The following CELA3B variants were observed in gnomAD, a reference collection of about 807,000 sequenced individuals.
CELA3B encodes the protein chymotrypsin-like elastase family member 3B.
CELA3B carries 34 observed loss-of-function variants against 37.2 expected under a neutral mutation model. The ratio of observed to expected loss-of-function variants is 0.91; its 90% confidence interval spans 0.70 to 1.22. CELA3B has a LOEUF of 1.22. Ranked by LOEUF, CELA3B falls within the 50% of genes most tolerant of loss-of-function variation. The pLI is 0.00. For synonymous variants in CELA3B, 127 were observed against 143.5 expected (o/e 0.89, Z 0.82); for missense variants, 340 against 363.1 (o/e 0.94, Z 0.52).
chr1:21,979,265 T>C (rs944489400), intron 2 of CELA3B, among the ~76,000 whole-genome samples: 3 of 150,586 alleles, frequency 2.0e-5, no homozygotes, highest in Non-Finnish European at 4.4e-5. Flanking sequence ...AGAGACAGGG[T>C]TTCACTATGT....
chr1:21,992,024 G>C (rs10917104), downstream of CELA3B, among the ~76,000 whole-genome samples: 10 of 150,402 alleles, frequency 6.6e-5, no homozygotes, highest in African/African-American at 2.5e-4. Flanking sequence ...GGAGGCTGAG[G>C]CAGGAGAATT....
chr1:21,988,786 A>T (rs1484840908), intron 7 of CELA3B, among the ~76,000 whole-genome samples: 2 of 151,836 alleles, frequency 1.3e-5, no homozygotes, highest in African/African-American at 4.9e-5. Context: ...GCTACTTGGG[A>T]GGCTGAGGCA....
At chr1:21,993,629 G>A (rs1330083451), downstream of CELA3B, among the ~76,000 whole-genome samples, 1 of 149,696 alleles carries the variant, frequency 6.7e-6, no homozygotes, top group African/African-American at 2.5e-5. Flanking sequence ...CTGCAGCCTT[G>A]ACCTCCCGGG....
chr1:21,994,008 G>T (rs1284164842), downstream of CELA3B, among the ~76,000 whole-genome samples: 2 of 150,558 alleles, frequency 1.3e-5, no homozygotes, highest in Non-Finnish European at 2.9e-5. Flanking sequence ...CCAGAGACAT[G>T]CTTCAAGACA....
Position 21,978,380 on chromosome 1 carries a change from G to T in CELA3B, c.55G>T (p.Gly19Cys). Residue 19 changes from glycine (G) to cysteine (C), a missense_variant, in exon 2 of 8, where the codon GGC (glycine) becomes TGC (cysteine). Transcript: ENST00000337107. Reference sequence around the variant, plus strand: ...CCTCTCCCCTCTAGCCTCAGGCTATGGCCCACCTTCCTCTCGCCCTTCCAG... The same window carrying T: ...CCTCTCCCCTCTAGCCTCAGGCTATTGCCCACCTTCCTCTCGCCCTTCCAG... ...LLLVAVASGYGPPSSRPSSRV... is the reference protein window; with the variant it reads ...LLLVAVASGYCPPSSRPSSRV... 1 of 1,614,094 alleles carries T rather than the reference G, an allele frequency of 6.2e-7. No homozygotes were observed. The highest frequency in any genetic ancestry group is 8.5e-7 in the Non-Finnish European group (1 of 1,179,946).
chr1:21,980,696 T>A (rs60580853), intron 2 of CELA3B, 128 bp from the exon 3 acceptor site: 72,463 of 693,864 alleles, frequency 0.1, 5,375 homozygotes, highest in African/African-American at 0.28. Context: ...CATATTTCAG[T>A]GGGTGCTCTT....
At chr1:21,987,140 CAAAAAAAAAAA>C in intron 7 of CELA3B, 1 of 44,898 alleles carries the variant, frequency 2.2e-5, no homozygotes, top group Non-Finnish European at 4.5e-5. Context: ...AATAGCTAAA[CAAAAAAAAAAA>C]AGAAAAAAAA....
At chr1:21,996,069 C>A (rs544869042) in intron 4 of CELA3B, among the ~76,000 whole-genome samples, 1 of 151,062 alleles carries the variant, frequency 6.6e-6, no homozygotes, top group African/African-American at 2.5e-5. Flanking sequence ...AAAAATTAGC[C>A]GGGCGTGGTG....
In CELA3B at chr1:21,981,004, G is replaced by A. The variant is rs748067020; in HGVS notation, c.228-34G>A. The A allele has an allele frequency of 2.5e-6, 4 of 1,614,042 alleles. No homozygotes were observed. In the East Asian group the frequency reaches 8.9e-5, roughly 36 times the overall value. On this transcript the variant is annotated intron_variant, in intron 3 of 7. Coordinates refer to ENST00000337107, the MANE Select transcript of CELA3B (RefSeq NM_007352.4). ...TGATGGGGAAGGAGGGAGGTAGCCA[G>A]TCAGGCCCAGACTGACCTCACCTCC...
chr1:21,984,049 A>G (rs543994131), intron 5 of CELA3B, 140 bp from the exon 6 acceptor site: 2 of 1,275,370 alleles, frequency 1.6e-6, no homozygotes, highest in African/African-American at 1.5e-5. Context: ...AATGGTGCAC[A>G]AAGCATGCAG....
At chr1:21,988,969 GTATA>G (rs200514403) in intron 7 of CELA3B, among the ~76,000 whole-genome samples, 1 of 151,356 alleles carries the variant, frequency 6.6e-6, no homozygotes, top group Non-Finnish European at 1.5e-5. Flanking sequence ...ACACACAGAC[GTATA>G]TATATACACA....
chr1:21,989,855 T>C (rs1362280114), downstream of CELA3B, among the ~76,000 whole-genome samples: 1 of 150,608 alleles, frequency 6.6e-6, no homozygotes, highest in Non-Finnish European at 1.5e-5. Context: ...TGCCCTGAAG[T>C]GACTCATTAT....
downstream of CELA3B, among the ~76,000 whole-genome samples, chr1:21,991,553 C>T (rs1052242948): frequency 2.0e-5 from 3 of 151,022 alleles, no homozygotes; most frequent in Non-Finnish European, 4.4e-5. Context: ...CCAGGCTGGT[C>T]TCGAACTCCT....
chr1:21,996,610 C>T (rs1569857781), intron 4 of CELA3B, among the ~76,000 whole-genome samples: 1 of 151,214 alleles, frequency 6.6e-6, no homozygotes, highest in Non-Finnish European at 1.5e-5. Context: ...TTTCACTTTC[C>T]TCTACGAACT....
At chr1:21,985,707 C>T (rs1190349522) in intron 6 of CELA3B, among the ~76,000 whole-genome samples, 5 of 151,678 alleles carry the variant, frequency 3.3e-5, no homozygotes, top group South Asian at 2.1e-4. Context: ...CTGGCTAACA[C>T]TGTGAAACCT....
intron 4 of CELA3B, among the ~76,000 whole-genome samples, chr1:21,995,389 C>T (rs1184245489): frequency 6.6e-6 from 1 of 150,978 alleles, no homozygotes; most frequent in African/African-American, 2.5e-5. Flanking sequence ...CTGTCTGCCT[C>T]GGCCTCACAA....
chr1:21,983,246 TCA>T (rs1373728971), intron 4 of CELA3B, among the ~76,000 whole-genome samples: 30 of 152,122 alleles, frequency 2.0e-4, no homozygotes, highest in Middle Eastern at 3.4e-3. Flanking sequence ...TCCCAGCTAC[TCA>T]GGAGGCTGAG....
intron 4 of CELA3B, among the ~76,000 whole-genome samples, chr1:21,982,844 AT>A (rs10709613): frequency 0.9 from 137,107 of 151,626 alleles, 62,793 homozygotes; most frequent in Non-Finnish European, 0.98. Flanking sequence ...AGCCCAGCTA[AT>A]TTTTTTTGTA....
At chr1:21,979,353 T>C (rs1644790644) in intron 2 of CELA3B, among the ~76,000 whole-genome samples, 1 of 151,900 alleles carries the variant, frequency 6.6e-6, no homozygotes, top group South Asian at 2.1e-4. Flanking sequence ...ATTACAGGTG[T>C]GAGTCACTGC....
Sources: allele counts gnomAD v4.1 joint callset (sites outside exome capture counted in the v4.1 genomes callset), GRCh38; gene constraint gnomAD v4.1.1; transcripts MANE v1.5; gene names NCBI Gene and HGNC (gene_info 2026-07-23, HGNC 2026-07-21).